The following JADE2 variants were observed in gnomAD, a reference collection of about 807,000 sequenced individuals.
JADE2 encodes E3 ubiquitin-protein ligase Jade-2.
Under a neutral mutation model 85.7 loss-of-function variants are expected in JADE2, and 13 were observed. That is an observed-to-expected ratio of 0.15 (90% CI 0.10 to 0.24). The LOEUF is 0.24. Ranked by LOEUF, JADE2 falls within the 10% of genes least tolerant of loss-of-function variation. The pLI is 1.00. For missense variants in JADE2, 846 were observed against 1,115.9 expected, an observed-to-expected ratio of 0.76 and a Z score of 3.45; for synonymous variants, 440 against 456.1, an observed-to-expected ratio of 0.96 and a Z score of 0.45.
At chr5:134,531,945 GAGTGCAGTAGCAT>G (rs1336738112) in intron 1 of JADE2, among the ~76,000 whole-genome samples, 2 of 137,392 alleles carry the variant, frequency 1.5e-5, no homozygotes, top group Non-Finnish European at 3.0e-5. Context: ...ACCCAGGCTG[GAGTGCAGTAGCAT>G]AATCACAGCT....
chr5:134,566,075 G>A lies in JADE2; in HGVS notation c.970-41G>A, dbSNP rs566583276. On this transcript the variant is annotated intron_variant, in intron 8 of 11. Coordinates refer to ENST00000681547, the MANE Select transcript of JADE2 (RefSeq NM_001388185.1). The surrounding 1 kb of genome is among the most constrained non-coding windows in gnomAD (Gnocchi z 6.7). ...CCCTCTGTCTTCTCCCCTCCCACCAGGCTCCCTCCATGTCTGATCCTGCCC... is the reference window on the plus strand; with the variant it reads ...CCCTCTGTCTTCTCCCCTCCCACCAAGCTCCCTCCATGTCTGATCCTGCCC... 20 of 1,547,660 alleles carry A rather than the reference G, an allele frequency of 1.3e-5. No individual in the cohort carries two copies. The South Asian group carries it at 2.4e-4, about 18-fold the overall frequency.
chr5:134,532,020 G>A (rs911021937), intron 1 of JADE2, among the ~76,000 whole-genome samples: 1 of 149,854 alleles, frequency 6.7e-6, no homozygotes, highest in Non-Finnish European at 1.5e-5. Context: ...CAGCAGCTGG[G>A]ACCACAGGCA....
At chr5:134,549,220 C>A (rs748324573) in intron 3 of JADE2, among the ~76,000 whole-genome samples, 1 of 152,162 alleles carries the variant, frequency 6.6e-6, no homozygotes, top group Non-Finnish European at 1.5e-5. Flanking sequence ...CCTGAGGAGG[C>A]GACAGTTAAG....
chr5:134,556,081 C>T (rs1348693349), intron 4 of JADE2, among the ~76,000 whole-genome samples: 1 of 152,152 alleles, frequency 6.6e-6, no homozygotes, highest in Admixed American at 6.5e-5. Flanking sequence ...CAGGAGCCCT[C>T]GCCACAGCTC....
chr5:134,578,781 G>T lies in JADE2; in HGVS notation c.1969G>T (p.Asp657Tyr), dbSNP rs772167438. 22 of 1,613,666 alleles carry T rather than the reference G, an allele frequency of 1.4e-5. No individual in the cohort carries two copies. Among genetic ancestry groups the T allele is most frequent in the Non-Finnish European group, 1.7e-5 (20 of 1,180,004 alleles). ...KKKPPPPPPQDGPGSRTTPDK... is the reference protein window; with the variant it reads ...KKKPPPPPPQYGPGSRTTPDK... ...GAAACCACCACCACCACCACCGCAG[G>T]ACGGGCCTGGTTCACGGACGACTCC... The change falls in exon 12 of 12, where the codon GAC (aspartate) becomes TAC (tyrosine). Residue 657 changes from aspartate (D) to tyrosine (Y), a missense_variant. Asp to Tyr is a radical substitution (Grantham distance 160, BLOSUM62 -3). Around this residue, in one of 9 missense-constraint regions of JADE2, gnomAD observed 300 missense variants for 300.7 expected, o/e 1.00. Coordinates refer to ENST00000681547, the MANE Select transcript of JADE2 (RefSeq NM_001388185.1). The surrounding 1 kb of genome is among the most constrained non-coding windows in gnomAD (Gnocchi z 4.4).
chr5:134,540,399 CT>C (rs568828250), intron 3 of JADE2, among the ~76,000 whole-genome samples: 268 of 140,738 alleles, frequency 1.9e-3, no homozygotes, highest in East Asian at 4.1e-3. Context: ...TTTTTTTTGT[CT>C]TTTTTTTTTT....
intron 9 of JADE2, among the ~76,000 whole-genome samples, chr5:134,569,370 G>A (rs954799870): frequency 1.8e-4 from 27 of 152,196 alleles, no homozygotes; most frequent in Non-Finnish European, 1.9e-4. Flanking sequence ...CAGGAGCCGG[G>A]GCTGCTGCCG....
Position 134,578,772 on chromosome 5 carries a change from C to T in JADE2, c.1960C>T (p.Pro654Ser). Residue 654 changes from proline to serine, a missense_variant, in exon 12 of 12, where the codon CCA becomes TCA. Physicochemically the swap from Pro to Ser is moderately conservative, Grantham distance 74. This residue lies in a region of JADE2 where 300 missense variants were observed against 300.7 expected (regional missense o/e 1.00). Coordinates refer to ENST00000681547, the MANE Select transcript of JADE2 (RefSeq NM_001388185.1). This position sits in a 1 kb window ranked among gnomAD's most constrained non-coding sequence, Gnocchi z 4.4. Reference protein sequence around the residue: ...LPAKKKPPPPPPQDGPGSRTT... With the variant: ...LPAKKKPPPPSPQDGPGSRTT... Reference sequence around the variant, plus strand: ...TGCCAAGAAGAAACCACCACCACCACCACCGCAGGACGGGCCTGGTTCACG... The same window carrying T: ...TGCCAAGAAGAAACCACCACCACCATCACCGCAGGACGGGCCTGGTTCACG... The T allele has an allele frequency of 6.2e-7, 1 of 1,613,776 alleles. No homozygotes were observed. The highest frequency in any genetic ancestry group is 2.2e-5 in the East Asian group (1 of 44,880).
At chr5:134,525,650 G>A, upstream of JADE2, 1 of 1,112,540 alleles carries the variant, frequency 9.0e-7, no homozygotes, top group Non-Finnish European at 1.2e-6. Flanking sequence ...TCACAAGGAA[G>A]TCTTGGTTTA....
chr5:134,558,384 A>C (rs1267781640), intron 4 of JADE2, among the ~76,000 whole-genome samples: 3 of 144,528 alleles, frequency 2.1e-5, no homozygotes, highest in Admixed American at 1.4e-4. Context: ...TCTTTAGTTT[A>C]ATTAGATCCC....
intron 8 of JADE2, 90 bp downstream of exon 8, chr5:134,564,700 T>C: frequency 1.3e-6 from 1 of 788,778 alleles, no homozygotes; most frequent in Non-Finnish European, 2.0e-6. Context: ...CCTTCTCCCC[T>C]CCATGGGGCT....
intron 1 of JADE2, among the ~76,000 whole-genome samples, chr5:134,532,547 G>A (rs1262057844): frequency 2.0e-5 from 3 of 152,150 alleles, no homozygotes; most frequent in Non-Finnish European, 4.4e-5. Context: ...CTCCTTTATA[G>A]GTAGGATTTC....
chr5:134,564,968 C>T (rs1312954283), intron 8 of JADE2, among the ~76,000 whole-genome samples: 1 of 152,190 alleles, frequency 6.6e-6, no homozygotes, highest in Admixed American at 6.5e-5. Flanking sequence ...TCTCATCTAG[C>T]TAAGCTAATA....
At position 134,579,347 on chromosome 5, in the gene JADE2, C is replaced by T. The variant is rs377025186; in HGVS notation, c.*30C>T. 50 of 1,501,386 alleles carry T rather than the reference C, an allele frequency of 3.3e-5. No individual in the cohort carries two copies. In the African/African-American group the frequency reaches 6.8e-4, roughly 21 times the overall value. The allele number at this position is 1,501,386 out of a possible 1,614,324, so 93.0% of individuals were successfully genotyped here. Reference sequence around the variant, plus strand: ...CCCCCTTCCCTGTCCCAGGCCCTGCCCTGGTCCCCCCACAAGGCCTCAGCC... The same window carrying T: ...CCCCCTTCCCTGTCCCAGGCCCTGCTCTGGTCCCCCCACAAGGCCTCAGCC... On this transcript the variant is annotated 3_prime_UTR_variant, in exon 12 of 12. Coordinates refer to ENST00000681547, the MANE Select transcript of JADE2 (RefSeq NM_001388185.1). The surrounding 1 kb of genome is among the most constrained non-coding windows in gnomAD (Gnocchi z 4.6).
At chr5:134,546,133 C>T (rs534110303) in intron 3 of JADE2, among the ~76,000 whole-genome samples, 1 of 152,154 alleles carries the variant, frequency 6.6e-6, no homozygotes. Context: ...ACTCTTTACA[C>T]AAGCATTTCG....
rs1764569799 is a variant in JADE2, at chr5:134,579,092, A to C, written c.2280A>C (p.Val760=). ...TCCGGCCACCCCGCGAGAGCAAGGTAACCCGGAGATTGCCGGGTGCCAGGC... is the reference window on the plus strand; with the variant it reads ...TCCGGCCACCCCGCGAGAGCAAGGTCACCCGGAGATTGCCGGGTGCCAGGC... ...GRLRPPRESK[V]TRRLPGARPD... is the part of the protein sequence containing the mutation. The change falls in exon 12 of 12, where the codon GTA becomes GTC. Residue 760 remains valine, a synonymous_variant. Transcript: ENST00000681547. The surrounding 1 kb of genome is among the most constrained non-coding windows in gnomAD (Gnocchi z 4.6). 1 of 1,614,056 alleles carries C rather than the reference A, an allele frequency of 6.2e-7. No homozygotes were observed. Among genetic ancestry groups the C allele is most frequent in the Non-Finnish European group, 8.5e-7 (1 of 1,179,976 alleles).
chr5:134,564,205 G>A lies in JADE2; in HGVS notation c.853-289G>A, dbSNP rs10059046. Reference sequence around the variant, plus strand: ...ACGCAGTCTTAAGCACATACACACAGTCAACTACACACACTGACGGCACAC... The same window carrying A: ...ACGCAGTCTTAAGCACATACACACAATCAACTACACACACTGACGGCACAC... On this transcript the variant is annotated intron_variant, in intron 7 of 11. Coordinates refer to ENST00000681547, the MANE Select transcript of JADE2 (RefSeq NM_001388185.1). 6.5e-3 allele frequency: 1,792 copies of A among 273,794 alleles called. 43 individuals are homozygous for A. The highest frequency in any genetic ancestry group is 0.036 in the African/African-American group (1,653 of 45,508). The allele number at this position is 273,794 out of a possible 1,614,324, so 17.0% of individuals were successfully genotyped here. A position where few individuals can be genotyped will look rare whatever the true frequency, so the allele number is the denominator to read the frequency against.
At chr5:134,552,987 CTT>C (rs34182692) in intron 4 of JADE2, among the ~76,000 whole-genome samples, 118 of 62,404 alleles carry the variant, frequency 1.9e-3, no homozygotes, top group African/African-American at 6.7e-3. Context: ...TGGGCCTGGC[CTT>C]TTTTTTTTTT....
At chr5:134,526,168 G>C (rs1306991973) in intron 1 of JADE2, 157 bp downstream of exon 1, 1 of 985,414 alleles carries the variant, frequency 1.0e-6, no homozygotes, top group Non-Finnish European at 1.2e-6. Flanking sequence ...AAGCCAGCGC[G>C]GAGAGGGGGG....
Sources: gnomAD v4.1 joint callset for allele counts (sites outside exome capture counted in the v4.1 genomes callset) on GRCh38, gnomAD v4.1.1 for gene constraint, gnomAD v4.1.1 regional missense constraint, Gnocchi (gnomAD v3.1) non-coding constraint, MANE v1.5 for transcripts, NCBI Gene and HGNC (gene_info 2026-07-23, HGNC 2026-07-21) for gene names.